PALLD: variants seen among roughly 807,000 people sequenced by gnomAD.
PALLD encodes the protein palladin.
A neutral mutation model predicts 123.5 loss-of-function variants in PALLD; 61 were observed. The ratio of observed to expected loss-of-function variants is 0.49; its 90% CI spans 0.40 to 0.61. PALLD has a LOEUF of 0.61. Among genes scored for constraint, PALLD ranks in the 20% least tolerant of loss-of-function variants. The pLI is 0.00. For missense variants in PALLD, 1,273 were observed against 1,377.0 expected (o/e 0.92, Z 1.20); for synonymous variants, 465 against 496.4 (o/e 0.94, Z 0.84).
chr4:168,576,221 A>G (rs975516291), intron 2 of PALLD, among the ~76,000 whole-genome samples: 2 of 152,144 alleles, frequency 1.3e-5, no homozygotes, highest in African/African-American at 4.8e-5. Context: ...TATAATTGGC[A>G]GCATTTTCTT....
At chr4:168,589,222 A>C (rs1422749481) in intron 2 of PALLD, among the ~76,000 whole-genome samples, 2 of 152,216 alleles carry the variant, frequency 1.3e-5, no homozygotes, top group Non-Finnish European at 2.9e-5. Context: ...ACTCTGATCC[A>C]CGTCTGATCT....
At chr4:168,579,850 TAACATATTC>T (rs1173046631) in intron 2 of PALLD, among the ~76,000 whole-genome samples, 1 of 152,118 alleles carries the variant, frequency 6.6e-6, no homozygotes, top group African/African-American at 2.4e-5. Context: ...TCAAGCTAAT[TAACATATTC>T]TCAGCTCACA....
rs1326691371 is a variant in PALLD, at chr4:168,844,517, T to A, written c.1965-46405T>A. 6.6e-6 allele frequency: 1 copy of A among 152,246 alleles called. No individual in the cohort carries two copies. Among genetic ancestry groups the A allele is most frequent in the African/African-American group, 2.4e-5 (1 of 41,466 alleles). The allele number at this position is 152,246 out of a possible 1,614,324, so 9.4% of individuals were successfully genotyped here. ...GAGCAGCTCATAGCTTTTCTAACAC[T>A]GAACTTTTCTCTCTCCAAGTCCCAG... is the stretch of plus-strand genomic sequence containing the variant. On this transcript the variant is annotated intron_variant, in intron 10 of 21. Transcript: ENST00000505667. The surrounding 1 kb of genome is among the most constrained non-coding windows in gnomAD (Gnocchi z 4.5).
At chr4:168,526,348 A>C (rs556919119) in intron 2 of PALLD, among the ~76,000 whole-genome samples, 24 of 152,318 alleles carry the variant, frequency 1.6e-4, no homozygotes, top group Admixed American at 1.2e-3. Flanking sequence ...AAATCAGAAA[A>C]AGACCAAACC....
At chr4:168,499,504 T>G (rs1324261288) in intron 1 of PALLD, among the ~76,000 whole-genome samples, 1 of 151,574 alleles carries the variant, frequency 6.6e-6, no homozygotes, top group East Asian at 1.9e-4. Flanking sequence ...ATCTAATATT[T>G]GTATCAATGG....
At chr4:168,528,349 C>T (rs909932906) in intron 2 of PALLD, among the ~76,000 whole-genome samples, 4 of 152,216 alleles carry the variant, frequency 2.6e-5, no homozygotes, top group African/African-American at 9.6e-5. Flanking sequence ...AAGTAAACTT[C>T]AACTCCAATT....
intron 10 of PALLD, among the ~76,000 whole-genome samples, chr4:168,759,178 T>C (rs1581319620): frequency 1.8e-4 from 1 of 5,628 alleles, no homozygotes; most frequent in Non-Finnish European, 2.7e-4. Flanking sequence ...AGACTCCATC[T>C]CAAAAAAAAA....
At chr4:168,923,018 C>T (rs1761891893) in intron 18 of PALLD, among the ~76,000 whole-genome samples, 3 of 152,220 alleles carry the variant, frequency 2.0e-5, no homozygotes, top group African/African-American at 7.2e-5. Context: ...CCTCACAGTG[C>T]TTTCCTAAGG....
rs1561529396 is a variant in PALLD, at chr4:168,793,188, T to TATATGTGTGTGCATATATATAC, written c.1964+81269_1964+81270insGTGTGTGCATATATATACATAT. On this transcript the variant is annotated intron_variant, in intron 10 of 21. Transcript: ENST00000505667. ...ATATATATGTGTGCATATATATACATATATATGTGTGCATATATATACATA... is the reference window on the plus strand; with the variant it reads ...ATATATATGTGTGCATATATATACATATATGTGTGTGCATATATATACATATATGTGTGCATATATATACATA... Among the ~76,000 whole-genome samples, 16 of 109,610 alleles carry TATATGTGTGTGCATATATATAC rather than the reference T, an allele frequency of 1.5e-4. No homozygotes were observed. In the South Asian group the frequency reaches 1.6e-3, roughly 11 times the overall value. 71.9% of individuals were successfully genotyped at this position (109,610 alleles called of 152,430 possible). A position where few individuals can be genotyped will look rare whatever the true frequency, so the allele number is the denominator to read the frequency against.
intron 10 of PALLD, among the ~76,000 whole-genome samples, chr4:168,746,075 C>G (rs952109931): frequency 2.0e-5 from 3 of 152,126 alleles, no homozygotes; most frequent in African/African-American, 7.2e-5. Flanking sequence ...CTGGCCTATA[C>G]AATGTCCCTG....
chr4:168,628,994 C>A (rs556143555), intron 2 of PALLD, among the ~76,000 whole-genome samples: 1 of 150,040 alleles, frequency 6.7e-6, no homozygotes, highest in Admixed American at 6.7e-5. Flanking sequence ...AAGACGAAGC[C>A]CAGTTATTGT....
intron 2 of PALLD, among the ~76,000 whole-genome samples, chr4:168,573,057 C>A (rs78128085): frequency 2.8e-4 from 5 of 18,134 alleles, no homozygotes; most frequent in Admixed American, 2.4e-3. Context: ...TCATCTACCA[C>A]TCTTCTCCCC....
intron 2 of PALLD, among the ~76,000 whole-genome samples, chr4:168,541,507 TC>T (rs202062059): frequency 0.017 from 2,637 of 152,118 alleles, 32 homozygotes; most frequent in Middle Eastern, 0.027. Context: ...ACAGTCTTAC[TC>T]TGTCGCCCAG....
intron 8 of PALLD, among the ~76,000 whole-genome samples, chr4:168,705,873 C>G (rs533284872): frequency 6.6e-6 from 1 of 152,098 alleles, no homozygotes; most frequent in Non-Finnish European, 1.5e-5. Flanking sequence ...GAACTCCTGA[C>G]CTCAAGTGAT....
At chr4:168,586,267 C>G (rs1770814245) in intron 2 of PALLD, among the ~76,000 whole-genome samples, 1 of 151,840 alleles carries the variant, frequency 6.6e-6, no homozygotes. Context: ...TCCAGTATTC[C>G]CAAACTCCTG....
chr4:168,602,885 C>A (rs1225775572), intron 2 of PALLD, among the ~76,000 whole-genome samples: 1 of 152,008 alleles, frequency 6.6e-6, no homozygotes, highest in Non-Finnish European at 1.5e-5. Flanking sequence ...CCCACCTCAG[C>A]CTCCTGAGTA....
At chr4:168,794,004 T>G (rs1465494490) in intron 10 of PALLD, among the ~76,000 whole-genome samples, 1 of 152,198 alleles carries the variant, frequency 6.6e-6, no homozygotes, top group Non-Finnish European at 1.5e-5. Context: ...AGGGTTGGCC[T>G]CCTCTCTGGC....
At chr4:168,816,816 CCG>C (rs1561556725) in intron 10 of PALLD, among the ~76,000 whole-genome samples, 2 of 122,878 alleles carry the variant, frequency 1.6e-5, no homozygotes, top group South Asian at 2.9e-4. Flanking sequence ...GGAGCTAGCC[CCG>C]TGTGTGTGTG....
chr4:168,650,658 T>G (rs967786807), intron 2 of PALLD, among the ~76,000 whole-genome samples: 8 of 152,314 alleles, frequency 5.3e-5, no homozygotes, highest in Middle Eastern at 3.4e-3. Flanking sequence ...TTTAACAGCT[T>G]ACACCAAATT....
Sources: allele counts gnomAD v4.1 joint callset (sites outside exome capture counted in the v4.1 genomes callset), GRCh38; gene constraint gnomAD v4.1.1; non-coding constraint Gnocchi (gnomAD v3.1); transcripts MANE v1.5; gene names NCBI Gene and HGNC (gene_info 2026-07-23, HGNC 2026-07-21).